NFIA: variants seen among roughly 807,000 people sequenced by gnomAD.
NFIA encodes the protein nuclear factor 1 A-type.
Under a neutral mutation model 62.8 loss-of-function variants are expected in NFIA, and 8 were observed. The observed-to-expected ratio is 0.13, with a 90% CI of 0.07 to 0.23. The LOEUF (loss-of-function observed/expected upper bound fraction) is 0.23. Among genes scored for constraint, NFIA ranks in the 10% least tolerant of loss-of-function variants. NFIA has a pLI of 1.00. For missense variants in NFIA, 410 were observed against 642.1 expected, an observed-to-expected ratio of 0.64 and a Z score of 3.91; for synonymous variants, 235 against 238.1, an observed-to-expected ratio of 0.99 and a Z score of 0.12.
At chr1:61,144,188 A>G (rs1171970524) in intron 2 of NFIA, among the ~76,000 whole-genome samples, 1 of 152,232 alleles carries the variant, frequency 6.6e-6, no homozygotes, top group Non-Finnish European at 1.5e-5. Flanking sequence ...TGGCATTAGC[A>G]TAACATGGGG....
intron 2 of NFIA, among the ~76,000 whole-genome samples, chr1:61,235,516 T>A (rs58359002): frequency 2.8e-5 from 4 of 142,604 alleles, no homozygotes; most frequent in Non-Finnish European, 4.5e-5. Flanking sequence ...AAATAAAAAA[T>A]AAAAAAAAAT....
chr1:61,275,006 C>T (rs886606718), intron 2 of NFIA, among the ~76,000 whole-genome samples: 2 of 152,064 alleles, frequency 1.3e-5, no homozygotes, highest in Non-Finnish European at 2.9e-5. Context: ...AGATCTTTGG[C>T]TTTGCTTGCC....
intron 2 of NFIA, among the ~76,000 whole-genome samples, chr1:61,155,799 A>G (rs1282698265): frequency 6.6e-6 from 1 of 151,768 alleles, no homozygotes; most frequent in African/African-American, 2.4e-5. Context: ...GGCATTAATT[A>G]TTATTGGTGT....
At chr1:61,437,908 G>C (rs1174086935) in intron 10 of NFIA, among the ~76,000 whole-genome samples, 1 of 152,178 alleles carries the variant, frequency 6.6e-6, no homozygotes, top group Non-Finnish European at 1.5e-5. Flanking sequence ...TCAGAGTCTA[G>C]TCGTGAATAA....
chr1:61,382,711 C>G (rs890603048), intron 6 of NFIA, among the ~76,000 whole-genome samples: 1 of 152,006 alleles, frequency 6.6e-6, no homozygotes, highest in African/African-American at 2.4e-5. Context: ...GATTTTTTTA[C>G]TTTTCTTTTT....
At chr1:61,397,904 CA>C (rs1310754596) in intron 7 of NFIA, among the ~76,000 whole-genome samples, 1 of 152,132 alleles carries the variant, frequency 6.6e-6, no homozygotes, top group Non-Finnish European at 1.5e-5. Flanking sequence ...GACAGACAAT[CA>C]AAAGTCTACC....
chr1:61,363,205 T>G (rs1005704167), intron 6 of NFIA, among the ~76,000 whole-genome samples: 4 of 152,228 alleles, frequency 2.6e-5, no homozygotes, highest in African/African-American at 7.2e-5. Flanking sequence ...TGAAACCAAA[T>G]CTGACTTCAT....
At chr1:61,163,151 G>C (rs1034345444) in intron 2 of NFIA, among the ~76,000 whole-genome samples, 5 of 152,034 alleles carry the variant, frequency 3.3e-5, no homozygotes, top group African/African-American at 1.2e-4. Context: ...TATACTAATG[G>C]GCATTAAAGA....
At chr1:61,209,526 G>GT (rs1286903648) in intron 2 of NFIA, among the ~76,000 whole-genome samples, 2 of 152,016 alleles carry the variant, frequency 1.3e-5, no homozygotes, top group African/African-American at 4.8e-5. Flanking sequence ...ATTATAAAAA[G>GT]TAATACGAGG....
At chr1:61,434,471 A>G (rs933718798) in intron 10 of NFIA, among the ~76,000 whole-genome samples, 6 of 152,034 alleles carry the variant, frequency 3.9e-5, no homozygotes, top group Admixed American at 2.0e-4. Context: ...GCTATGAGAC[A>G]CTCTTAAAAT....
At chr1:61,263,041 A>G (rs1361389029) in intron 2 of NFIA, among the ~76,000 whole-genome samples, 1 of 152,210 alleles carries the variant, frequency 6.6e-6, no homozygotes, top group Non-Finnish European at 1.5e-5. Flanking sequence ...TCTCATTTGA[A>G]GAGTTGCTAT....
intron 6 of NFIA, among the ~76,000 whole-genome samples, chr1:61,376,950 C>T (rs1664177534): frequency 6.6e-6 from 1 of 152,084 alleles, no homozygotes; most frequent in Non-Finnish European, 1.5e-5. Context: ...GACACGGTGG[C>T]TTATGCCTGT....
rs532969315 is a variant in NFIA at position 61,275,647 on chromosome 1, G to A, written c.560-1873G>A. Among the ~76,000 whole-genome samples the A allele has an allele frequency of 3.0e-4, 45 of 152,150 alleles. No homozygotes were observed. The South Asian group carries it at 9.3e-3, about 32-fold the overall frequency. The stretch of plus-strand genomic sequence containing the variant: ...TGTATCTGTTTCGGGACATGATCAA[G>A]AATTTTAATTTTCCCTAAAACAAAA... On this transcript the variant is annotated intron_variant, in intron 2 of 10. Coordinates refer to ENST00000403491, the MANE Select transcript of NFIA (RefSeq NM_001134673.4).
intron 6 of NFIA, among the ~76,000 whole-genome samples, chr1:61,371,412 T>C (rs1663878336): frequency 6.6e-6 from 1 of 152,196 alleles, no homozygotes; most frequent in African/African-American, 2.4e-5. Flanking sequence ...ATGTGCTTGA[T>C]GTTTTGATGA....
intron 3 of NFIA, among the ~76,000 whole-genome samples, chr1:61,325,463 A>G (rs1251527096): frequency 2.6e-5 from 4 of 152,200 alleles, no homozygotes; most frequent in Non-Finnish European, 5.9e-5. Flanking sequence ...TACAAAGTTC[A>G]TCAGTGGGTT....
chr1:61,442,760 A>G lies in NFIA; in HGVS notation c.1513-12543A>G, dbSNP rs115891223. Among the ~76,000 whole-genome samples the G allele has an allele frequency of 4.2e-3, 647 of 152,360 alleles. 3 individuals are homozygous for G. The highest frequency in any genetic ancestry group is 0.014 in the African/African-American group (596 of 41,580). On this transcript the variant is annotated intron_variant, in intron 10 of 10. Transcript: ENST00000403491. ...TTTGGAATTGACTGACCAATGAGAA[A>G]TTATCTCTTATGCAAATTATCTTCT...
At chr1:61,266,836 T>C (rs1027392435) in intron 2 of NFIA, among the ~76,000 whole-genome samples, 1 of 152,152 alleles carries the variant, frequency 6.6e-6, no homozygotes, top group Admixed American at 6.5e-5. Context: ...CTTTAACCAG[T>C]CTATATGCTT....
At position 61,228,850 on chromosome 1, in the gene NFIA, T is replaced by G. The variant is rs528049733; in HGVS notation, c.560-48670T>G. Among the ~76,000 whole-genome samples, 3 of 152,324 alleles carry G rather than the reference T, an allele frequency of 2.0e-5. No homozygotes were observed. In the South Asian group the frequency reaches 6.2e-4, roughly 32 times the overall value. ...GTATGTCTTTGCTCTCTAATGTTTA[T>G]TATCTCCTCATTTATTCTGAGATAT... On this transcript the variant is annotated intron_variant, in intron 2 of 10. Transcript: ENST00000403491.
At chr1:61,332,999 G>T (rs2100393411) in intron 4 of NFIA, among the ~76,000 whole-genome samples, 1 of 150,868 alleles carries the variant, frequency 6.6e-6, no homozygotes, top group Middle Eastern at 3.4e-3. Context: ...TTGATCAAAG[G>T]CCCATTCAAT....
Sources: allele counts gnomAD v4.1 joint callset (sites outside exome capture counted in the v4.1 genomes callset), GRCh38; gene constraint gnomAD v4.1.1; transcripts MANE v1.5; gene names NCBI Gene and HGNC (gene_info 2026-07-23, HGNC 2026-07-21).